The following ALDH1A1 variants were observed in gnomAD, a reference collection of about 807,000 sequenced individuals.
The protein encoded by ALDH1A1 is aldehyde dehydrogenase 1 family member A1.
ALDH1A1 carries 19 observed loss-of-function variants against 62.1 expected under a neutral mutation model. That is an observed-to-expected ratio of 0.31 (90% CI 0.21 to 0.45). The LOEUF (loss-of-function observed/expected upper bound fraction) is 0.45. ALDH1A1 is among the 20% of genes least tolerant of loss of function. ALDH1A1 has a pLI of 1.00. For synonymous variants in ALDH1A1, 231 were observed against 215.9 expected (o/e 1.07, Z -0.61); for missense variants, 521 against 607.1 (o/e 0.86, Z 1.49).
chr9:72,908,552 GAAGAAAGAA>G (rs1829919819), intron 11 of ALDH1A1, among the ~76,000 whole-genome samples: 1 of 91,850 alleles, frequency 1.1e-5, no homozygotes, highest in Non-Finnish European at 2.0e-5. Flanking sequence ...AGAAAAGAAA[GAAGAAAGAA>G]AGAAAGAAAG....
At chr9:72,908,577 AAGAAAG>A (rs1829926632) in intron 11 of ALDH1A1, among the ~76,000 whole-genome samples, 2 of 124,036 alleles carry the variant, frequency 1.6e-5, no homozygotes, top group Non-Finnish European at 3.4e-5. Context: ...GAAAGAAAGA[AAGAAAG>A]AAAGAAAGAA....
rs1829861326 is a variant in ALDH1A1 at position 72,905,098 on chromosome 9, C to A, written c.1433+860G>T. 2.0e-5 allele frequency among the ~76,000 whole-genome samples: 3 copies of A among 152,108 alleles called. No homozygotes were observed. The South Asian group carries it at 6.2e-4, about 31-fold the overall frequency. On this transcript the variant is annotated intron_variant, in intron 12 of 12. Transcript: ENST00000297785. ...TAATACATTTAGAGATTGAGAAAGG[C>A]ACATTTTCACTTCCTAATTACAAAA...
In ALDH1A1 at chr9:72,912,018, G is replaced by A. The variant is rs1345885077; in HGVS notation, c.1140C>T (p.Tyr380=). The A allele has an allele frequency of 1.9e-6, 3 of 1,613,968 alleles. No individual in the cohort carries two copies. The highest frequency in any genetic ancestry group is 1.3e-5 in the African/African-American group (1 of 75,028). The change falls in exon 10 of 13, where the codon TAC becomes TAT. Residue 380 remains tyrosine (Y), a synonymous_variant. Coordinates refer to ENST00000297785, the MANE Select transcript of ALDH1A1 (RefSeq NM_000689.5). ...CGGGPWGNKG[Y]FVQPTVFSNV... ...TAGAGAACACTGTGGGCTGGACAAA[G>A]TAGCCTTTATTCCCCCACGGGCCTC...
chr9:72,902,675 A>C (rs939513419), intron 12 of ALDH1A1, among the ~76,000 whole-genome samples: 2 of 151,940 alleles, frequency 1.3e-5, no homozygotes, highest in African/African-American at 4.8e-5. Flanking sequence ...CAGGAGAGTA[A>C]TAAGTGGGAT....
Position 72,930,951 on chromosome 9 carries a change from C to A in ALDH1A1, c.240G>T (p.Met80Ile). The change falls in exon 3 of 13, where the codon ATG becomes ATT. Residue 80 changes from methionine (M) to isoleucine (I), a missense_variant. Transcript: ENST00000297785. ...AFQIGSPWRTMDASERGRLLY... is the reference protein window; with the variant it reads ...AFQIGSPWRTIDASERGRLLY... The stretch of plus-strand genomic sequence containing the variant: ...ATAGTCGCCCCCTCTCGGAAGCATC[C>A]ATAGTACGCCACGGGGATCCAATCT... 6.2e-7 allele frequency: 1 copy of A among 1,614,070 alleles called. No individual in the cohort carries two copies. Among genetic ancestry groups the A allele is most frequent in the Non-Finnish European group, 8.5e-7 (1 of 1,179,972 alleles).
At chr9:72,904,100 G>A (rs1829842612) in intron 12 of ALDH1A1, among the ~76,000 whole-genome samples, 2 of 152,142 alleles carry the variant, frequency 1.3e-5, no homozygotes, top group East Asian at 3.9e-4. Context: ...AGAGGAATGT[G>A]AACATCTCCA....
In ALDH1A1 at chr9:72,940,197, A is replaced by G. The variant is rs1830399624; in HGVS notation, c.122T>C (p.Phe41Ser). 1.2e-6 allele frequency: 2 copies of G among 1,613,838 alleles called. No homozygotes were observed. The highest frequency in any genetic ancestry group is 8.5e-7 in the Non-Finnish European group (1 of 1,179,832). ...DSVSGKKFPV[F>S]NPATEEELCQ... The stretch of plus-strand genomic sequence containing the variant: ...GAGCTCCTCCTCAGTTGCAGGATTA[A>G]AGACAGGAAATTTCTTGCCACTCAC... Residue 41 changes from phenylalanine (F) to serine (S), a missense_variant, in exon 2 of 13, where the codon TTT becomes TCT. Coordinates refer to ENST00000297785, the MANE Select transcript of ALDH1A1 (RefSeq NM_000689.5).
chr9:72,952,120 A>T (rs1220206846), intron 1 of ALDH1A1, among the ~76,000 whole-genome samples: 1 of 151,976 alleles, frequency 6.6e-6, no homozygotes, highest in Non-Finnish European at 1.5e-5. Context: ...TTTCTGCATC[A>T]CACCATAAAG....
intron 9 of ALDH1A1, among the ~76,000 whole-genome samples, chr9:72,916,623 A>T (rs139343810): frequency 6.6e-6 from 1 of 152,188 alleles, no homozygotes; most frequent in Non-Finnish European, 1.5e-5. Flanking sequence ...TATAGGAATC[A>T]AGAGGTGTGC....
At chr9:72,942,397 C>T (rs1301129634) in intron 1 of ALDH1A1, 1 of 982,576 alleles carries the variant, frequency 1.0e-6, no homozygotes, top group Non-Finnish European at 1.2e-6. Flanking sequence ...ATCTCTCACA[C>T]ACTTTCCTTC....
At chr9:72,909,276 C>T (rs1829949023) in intron 11 of ALDH1A1, among the ~76,000 whole-genome samples, 2 of 149,788 alleles carry the variant, frequency 1.3e-5, no homozygotes, top group Admixed American at 6.8e-5. Flanking sequence ...ATTCTCCTGC[C>T]TCATCCTCCA....
At chr9:72,935,785 T>G (rs955575277) in intron 2 of ALDH1A1, among the ~76,000 whole-genome samples, 1 of 152,160 alleles carries the variant, frequency 6.6e-6, no homozygotes. Flanking sequence ...CCCATTCTAC[T>G]TACAAATTAA....
In ALDH1A1 at chr9:72,925,548, A is replaced by T; in HGVS notation, c.569T>A (p.Val190Glu). 1.2e-6 allele frequency: 2 copies of T among 1,614,064 alleles called. No homozygotes were observed. The highest frequency in any genetic ancestry group is 1.7e-6 in the Non-Finnish European group (2 of 1,179,920). ...IGPALSCGNT[V>E]VVKPAEQTPL... ...AGTTTGCTCTGCTGGTTTGACAACC[A>T]CTGTGTTTCCACAGCTCAGTGCAGG... The change falls in exon 6 of 13, where the codon GTG (valine) becomes GAG (glutamate). Residue 190 changes from valine (V) to glutamate (E), a missense_variant. Coordinates refer to ENST00000297785, the MANE Select transcript of ALDH1A1 (RefSeq NM_000689.5).
At chr9:72,924,627 C>G (rs1830182198) in intron 6 of ALDH1A1, among the ~76,000 whole-genome samples, 1 of 152,118 alleles carries the variant, frequency 6.6e-6, no homozygotes, top group Admixed American at 6.5e-5. Flanking sequence ...ACTGTCATCC[C>G]ATTCATGATT....
rs1317026971 is a variant in ALDH1A1 at position 72,912,074 on chromosome 9, T to C, written c.1084A>G (p.Lys362Glu). ...DKILDLIESG[K>E]KEGAKLECGG... ...CATTCCAGTTTGGCCCCTTCTTTCT[T>C]CCCACTCTCAATGAGGTCAAGTATT... The change falls in exon 10 of 13, where the codon AAG becomes GAG. Residue 362 changes from lysine to glutamate, a missense_variant. Coordinates refer to ENST00000297785, the MANE Select transcript of ALDH1A1 (RefSeq NM_000689.5). 1.9e-6 allele frequency: 3 copies of C among 1,613,848 alleles called. No homozygotes were observed. In the East Asian group the frequency reaches 6.7e-5, roughly 36 times the overall value.
intron 1 of ALDH1A1, among the ~76,000 whole-genome samples, chr9:72,952,193 A>T (rs755732347): frequency 3.9e-5 from 6 of 151,976 alleles, no homozygotes; most frequent in Non-Finnish European, 7.4e-5. Context: ...GAGTTCTAGG[A>T]TCTGACAGGA....
At position 72,909,749 on chromosome 9, in the gene ALDH1A1, G is replaced by T; in HGVS notation, c.1211C>A (p.Pro404Gln). Residue 404 changes from proline (P) to glutamine (Q), a missense_variant, in exon 11 of 13, where the codon CCA becomes CAA. Pro to Gln is a moderately conservative substitution (Grantham distance 76). Transcript: ENST00000297785. ...TTTAAACTTCATGATTTGCTGCACTGGTCCAAAAATCTATACCACAAGAAA... is the reference window on the plus strand; with the variant it reads ...TTTAAACTTCATGATTTGCTGCACTTGTCCAAAAATCTATACCACAAGAAA... ...MRIAKEEIFG[P>Q]VQQIMKFKSL... 6.2e-7 allele frequency: 1 copy of T among 1,607,112 alleles called. No individual in the cohort carries two copies. The highest frequency in any genetic ancestry group is 8.5e-7 in the Non-Finnish European group (1 of 1,176,804).
intron 2 of ALDH1A1, 142 bp downstream of exon 2, chr9:72,940,006 A>C (rs1830397050): frequency 3.5e-6 from 2 of 569,466 alleles, no homozygotes; most frequent in Non-Finnish European, 3.1e-6. Flanking sequence ...TAACAAGGAC[A>C]ACTTAGACAA....
At chr9:72,938,252 AT>A (rs972335617) in intron 2 of ALDH1A1, among the ~76,000 whole-genome samples, 5 of 152,248 alleles carry the variant, frequency 3.3e-5, no homozygotes, top group South Asian at 2.1e-4. Flanking sequence ...AATAATAATA[AT>A]AATAAAATAA....
Sources: allele counts gnomAD v4.1 joint callset (sites outside exome capture counted in the v4.1 genomes callset), GRCh38; gene constraint gnomAD v4.1.1; transcripts MANE v1.5; gene names NCBI Gene and HGNC (gene_info 2026-07-23, HGNC 2026-07-21).